Variants in DRP2 observed in about 807,000 individuals in gnomAD.
The protein encoded by DRP2 is dystrophin related protein 2, also known as dystrophin-related protein 2.
DRP2 carries 29 observed loss-of-function variants against 78.2 expected under a neutral mutation model. That is an observed-to-expected ratio of 0.37 (90% CI 0.28 to 0.51). The LOEUF is 0.51. DRP2 is among the 20% of genes least tolerant of loss of function. The pLI, the probability that DRP2 is intolerant of heterozygous loss-of-function variation, is 0.94. For synonymous variants in DRP2, 290 were observed against 281.9 expected (o/e 1.03, Z -0.29); for missense variants, 686 against 770.6 (o/e 0.89, Z 1.30).
intron 5 of DRP2, 146 bp from the exon 6 acceptor site, chrX:101,238,831 ACGCC>A (rs1569508574): frequency 1.7e-5 from 11 of 649,734 alleles, no homozygotes; most frequent in Non-Finnish European, 2.3e-5. Context: ...GGAGGATTGC[ACGCC>A]TTTTTGTCTA....
chrX:101,239,412 C>T (rs1468928058), intron 6 of DRP2, among the ~76,000 whole-genome samples: 1 of 111,912 alleles, frequency 8.9e-6, no homozygotes, highest in Non-Finnish European at 1.9e-5. Context: ...ATGAATTGAA[C>T]TGACTCAATG....
chrX:101,262,146 T>C lies in DRP2; in HGVS notation c.*1525T>C, dbSNP rs5967283. The C allele has an allele frequency of 0.35, 38,682 of 110,843 alleles. 4,899 individuals are homozygous for C. The highest frequency in any genetic ancestry group is 0.47 in the Middle Eastern group (100 of 214). 9.1% of individuals were successfully genotyped at this position (110,843 alleles called of 1,213,427 possible). On this transcript the variant is annotated 3_prime_UTR_variant, in exon 24 of 24. Transcript: ENST00000395209. ...TGGAAAGATAGATGTATCCTGGCTG[T>C]TCCCCTAGGATATCTCTCTCCATTG...
intron 21 of DRP2, among the ~76,000 whole-genome samples, chrX:101,256,831 T>A: frequency 9.3e-6 from 1 of 107,161 alleles, no homozygotes; most frequent in Non-Finnish European, 1.9e-5. Flanking sequence ...AGTGCTGGGA[T>A]TACAGGCATG....
At chrX:101,254,773 A>G in intron 18 of DRP2, 86 bp from the exon 19 acceptor site, 1 of 1,130,225 alleles carries the variant, frequency 8.8e-7, no homozygotes, top group Non-Finnish European at 1.2e-6. Flanking sequence ...GCTCTTGCCC[A>G]TGTCCATAAT....
intron 2 of DRP2, among the ~76,000 whole-genome samples, chrX:101,231,115 G>A (rs1449744647): frequency 8.9e-6 from 1 of 112,002 alleles, no homozygotes; most frequent in Non-Finnish European, 1.9e-5. Context: ...TGCTGGGAAT[G>A]CCATTCTCCC....
chrX:101,255,274 GC>G, intron 20 of DRP2, 25 bp downstream of exon 20: 1 of 1,190,365 alleles, frequency 8.4e-7, no homozygotes, highest in Non-Finnish European at 1.1e-6. Context: ...CTGCTTATTT[GC>G]CAGAAATAGT....
At chrX:101,231,303 C>T (rs1002565505) in intron 2 of DRP2, among the ~76,000 whole-genome samples, 1 of 112,225 alleles carries the variant, frequency 8.9e-6, no homozygotes, top group African/African-American at 3.2e-5. Context: ...TAATTATCAG[C>T]ATACATGACT....
rs1922783131 is a variant in DRP2 at position 101,242,886 on chromosome X, A to G, written c.976-18A>G. The stretch of plus-strand genomic sequence containing the variant: ...TAGCTGGAATGAATCTACTGACCTC[A>G]CCCTGTTCTTTCCATAGGCGTCAGT... On this transcript the variant is annotated intron_variant, in intron 8 of 23. Transcript: ENST00000395209. 1 of 1,203,846 alleles carries G rather than the reference A, an allele frequency of 8.3e-7. No individual in the cohort carries two copies. The highest frequency in any genetic ancestry group is 1.1e-6 in the Non-Finnish European group (1 of 889,058).
At chrX:101,222,260 G>A (rs1398731278) in intron 1 of DRP2, among the ~76,000 whole-genome samples, 2 of 111,408 alleles carry the variant, frequency 1.8e-5, no homozygotes, top group Non-Finnish European at 3.8e-5. Flanking sequence ...ACACTTTTCT[G>A]TATGGAAAAC....
chrX:101,261,295 C>T lies in DRP2; in HGVS notation c.*674C>T, dbSNP rs1334565943. 1 of 110,957 alleles carries T rather than the reference C, an allele frequency of 9.0e-6. No individual in the cohort carries two copies. The highest frequency in any genetic ancestry group is 1.9e-5 in the Non-Finnish European group (1 of 52,971). 9.1% of individuals were successfully genotyped at this position (110,957 alleles called of 1,213,427 possible). A position where few individuals can be genotyped will look rare whatever the true frequency, so the allele number is the denominator to read the frequency against. On this transcript the variant is annotated 3_prime_UTR_variant, in exon 24 of 24. Transcript: ENST00000395209. ...AGAACAGTTCATTCTGGTTCTTCTA[C>T]GTTATATTTGGAAGCATTAAATCCA...
In DRP2 at chrX:101,231,558, C is replaced by T. The variant is rs757917090; in HGVS notation, c.-63-27C>T. 1.7e-4 allele frequency: 141 copies of T among 813,299 alleles called. No homozygotes were observed. The African/African-American group carries it at 2.2e-3, about 13-fold the overall frequency. 67.0% of individuals were successfully genotyped at this position (813,299 alleles called of 1,213,427 possible). On this transcript the variant is annotated intron_variant, in intron 2 of 23. Coordinates refer to ENST00000395209, the MANE Select transcript of DRP2 (RefSeq NM_001939.3). The stretch of plus-strand genomic sequence containing the variant: ...TCATAGGCTTTTCTAGGTCTTGACT[C>T]GAAATCTCTCTGTATTGCTTTTCCA...
At position 101,231,629 on chromosome X, in the gene DRP2, C is replaced by A. The variant is rs199759702; in HGVS notation, c.-19C>A. ...TGGTGCACTGCCTATCCTCATCCCC[C>A]CCATGAGCCTTGGTTTTTATGCAAC... On this transcript the variant is annotated 5_prime_UTR_variant, in exon 3 of 24. Coordinates refer to ENST00000395209, the MANE Select transcript of DRP2 (RefSeq NM_001939.3). The A allele has an allele frequency of 1.5e-4, 181 of 1,172,478 alleles. No homozygotes were observed. The highest frequency in any genetic ancestry group is 1.9e-4 in the Non-Finnish European group (160 of 861,303).
chrX:101,232,316 G>A (rs1280745051), intron 3 of DRP2, among the ~76,000 whole-genome samples: 2 of 111,550 alleles, frequency 1.8e-5, no homozygotes, highest in Non-Finnish European at 3.8e-5. Context: ...TGGTAGGCAG[G>A]TAGAGGATGT....
Position 101,260,578 on chromosome X carries a change from T to G in DRP2, c.2831T>G (p.Val944Gly). ...MEKLRHAFPS[V>G]RSSDVTANTL... ...AAACTCCGTCATGCCTTCCCCAGTGTGCGAAGTTCTGATGTGACTGCCAAC... is the reference window on the plus strand; with the variant it reads ...AAACTCCGTCATGCCTTCCCCAGTGGGCGAAGTTCTGATGTGACTGCCAAC... The change falls in exon 24 of 24, where the codon GTG becomes GGG. Residue 944 changes from valine to glycine, a missense_variant. By Grantham distance (109) the Val-to-Gly change is moderately radical. Coordinates refer to ENST00000395209, the MANE Select transcript of DRP2 (RefSeq NM_001939.3). The G allele has an allele frequency of 8.3e-6, 10 of 1,211,369 alleles. No individual in the cohort carries two copies. The highest frequency in any genetic ancestry group is 1.1e-5 in the Non-Finnish European group (10 of 895,391).
At chrX:101,231,994 C>A (rs1437853298) in intron 3 of DRP2, among the ~76,000 whole-genome samples, 2 of 111,227 alleles carry the variant, frequency 1.8e-5, no homozygotes, top group Non-Finnish European at 3.8e-5. Context: ...GGGCCCACTG[C>A]AGCTGAGCGG....
Position 101,241,794 on chromosome X carries a change from C to T in DRP2, c.686C>T (p.Thr229Ile). ...GACCAGCACCGTCACATTGAGCGGA[C>T]TCTGGAGCAGCTCTTGGAGATTCAA... ...CVDQHRHIER[T>I]LEQLLEIQGA... The change falls in exon 7 of 24, where the codon ACT becomes ATT. Residue 229 changes from threonine to isoleucine, a missense_variant. This residue lies in a region of DRP2 where 263 missense variants were observed against 239.1 expected (regional missense o/e 1.10). Coordinates refer to ENST00000395209, the MANE Select transcript of DRP2 (RefSeq NM_001939.3). 8.3e-7 allele frequency: 1 copy of T among 1,211,642 alleles called. No individual in the cohort carries two copies. The highest frequency in any genetic ancestry group is 1.1e-6 in the Non-Finnish European group (1 of 895,505).
rs766139917 is a variant in DRP2 at position 101,236,275 on chromosome X, T to C, written c.281+252T>C. ...TCTCGAAATGTTAGCTTCCATTTGT[T>C]TTTTATAAGGACAAAAAATGAGTGG... On this transcript the variant is annotated intron_variant, in intron 4 of 23. Transcript: ENST00000395209. Among the ~76,000 whole-genome samples the C allele has an allele frequency of 3.2e-4, 36 of 112,276 alleles. No homozygotes were observed. In the South Asian group the frequency reaches 6.0e-3, roughly 19 times the overall value.
chrX:101,250,255 A>G (rs1169866287), intron 14 of DRP2, among the ~76,000 whole-genome samples, 168 bp from the exon 15 acceptor site: 1 of 111,449 alleles, frequency 9.0e-6, no homozygotes, highest in Non-Finnish European at 1.9e-5. Context: ...TGCTCTTTTT[A>G]GAACTCGGCT....
At chrX:101,250,879 G>A (rs1258536490) in intron 15 of DRP2, 38 bp from the exon 16 acceptor site, 2 of 1,199,543 alleles carry the variant, frequency 1.7e-6, no homozygotes, top group South Asian at 1.8e-5. Flanking sequence ...AGACACTTTG[G>A]GCCTCAGTCA....
Sources: allele counts gnomAD v4.1 joint callset (sites outside exome capture counted in the v4.1 genomes callset), GRCh38; gene constraint gnomAD v4.1.1; regional missense constraint gnomAD v4.1.1; transcripts MANE v1.5; gene names NCBI Gene and HGNC (gene_info 2026-07-23, HGNC 2026-07-21).